Variants in SUPT3H observed in about 807,000 individuals in gnomAD.
The protein encoded by SUPT3H is transcription initiation protein SPT3 homolog.
Under a neutral mutation model 44.3 loss-of-function variants are expected in SUPT3H, and 44 were observed. That is an observed-to-expected ratio of 0.99 (90% CI 0.78 to 1.28). SUPT3H has a LOEUF of 1.28. Among genes scored for constraint, SUPT3H ranks in the 50% most tolerant of loss-of-function variants. The pLI is 0.00. For missense variants in SUPT3H, 380 were observed against 387.1 expected, an observed-to-expected ratio of 0.98 and a Z score of 0.15; for synonymous variants, 124 against 125.6, an observed-to-expected ratio of 0.99 and a Z score of 0.09.
At chr6:44,849,431 T>G (rs540829731) in intron 10 of SUPT3H, among the ~76,000 whole-genome samples, 2 of 151,390 alleles carry the variant, frequency 1.3e-5, no homozygotes, top group African/African-American at 2.4e-5. Context: ...GTTTCACCAT[T>G]TTAGCCGGGA....
chr6:45,100,559 A>AAAAAAAAAAAAAAAAC (rs1798424595), intron 3 of SUPT3H, among the ~76,000 whole-genome samples: 1 of 149,224 alleles, frequency 6.7e-6, no homozygotes, highest in Non-Finnish European at 1.5e-5. Flanking sequence ...AAAAAAAAAA[A>AAAAAAAAAAAAAAAAC]AAAAAGACAC....
chr6:45,173,378 C>T (rs373330683), intron 2 of SUPT3H, among the ~76,000 whole-genome samples: 4 of 152,186 alleles, frequency 2.6e-5, no homozygotes, highest in African/African-American at 9.7e-5. Flanking sequence ...TAACACAGTA[C>T]TGAGTATATA....
intron 2 of SUPT3H, among the ~76,000 whole-genome samples, chr6:45,124,879 C>T (rs190114934): frequency 2.9e-4 from 44 of 151,980 alleles, no homozygotes; most frequent in Admixed American, 2.6e-3. Context: ...AGGCTCTAGA[C>T]GAATAGGACT....
intron 2 of SUPT3H, among the ~76,000 whole-genome samples, chr6:45,128,533 A>AATATATATATATATATATAT (rs1554257895): frequency 3.1e-4 from 16 of 52,244 alleles, no homozygotes; most frequent in South Asian, 8.1e-4. Context: ...AAAAAAAAAA[A>AATATATATATATATATATAT]ATATATATAT....
chr6:45,061,999 A>C (rs1792168127), intron 3 of SUPT3H, among the ~76,000 whole-genome samples: 1 of 151,790 alleles, frequency 6.6e-6, no homozygotes, highest in African/African-American at 2.4e-5. Flanking sequence ...CACACTATTA[A>C]AATTAGTGTT....
intron 3 of SUPT3H, among the ~76,000 whole-genome samples, chr6:45,071,241 T>C (rs1288407193): frequency 6.6e-6 from 1 of 152,010 alleles, no homozygotes; most frequent in Non-Finnish European, 1.5e-5. Flanking sequence ...TTTTTATTAA[T>C]CCCATAGGTC....
chr6:45,119,491 A>T (rs1334157801), intron 2 of SUPT3H, among the ~76,000 whole-genome samples: 1 of 152,158 alleles, frequency 6.6e-6, no homozygotes, highest in East Asian at 1.9e-4. Flanking sequence ...TTCAGTGGGC[A>T]CACAAACTAG....
chr6:44,845,283 C>CA (rs1311625659), intron 10 of SUPT3H, among the ~76,000 whole-genome samples: 38 of 152,280 alleles, frequency 2.5e-4, no homozygotes, highest in African/African-American at 8.4e-4. Context: ...TCCTGGGACT[C>CA]ACAGGAGTAC....
intron 2 of SUPT3H, among the ~76,000 whole-genome samples, chr6:45,354,480 T>A (rs1792721401): frequency 6.6e-6 from 1 of 152,134 alleles, no homozygotes; most frequent in Non-Finnish European, 1.5e-5. Context: ...GATCTTCTTT[T>A]TTGCTCATCT....
chr6:44,901,958 C>T (rs1490875613), intron 10 of SUPT3H, among the ~76,000 whole-genome samples: 1 of 152,108 alleles, frequency 6.6e-6, no homozygotes, highest in African/African-American at 2.4e-5. Flanking sequence ...AAATCCTTTA[C>T]AGACAAGCAA....
intron 2 of SUPT3H, among the ~76,000 whole-genome samples, chr6:45,236,313 G>A (rs186676661): frequency 2.1e-3 from 319 of 152,204 alleles, no homozygotes; most frequent in Non-Finnish European, 3.6e-3. Context: ...AACTAAGCTG[G>A]AGGACACCCG....
At chr6:45,228,730 C>T (rs1473679250) in intron 2 of SUPT3H, among the ~76,000 whole-genome samples, 1 of 152,166 alleles carries the variant, frequency 6.6e-6, no homozygotes, top group East Asian at 1.9e-4. Context: ...CTCACTACAG[C>T]CGCCGCCCCC....
chr6:45,046,850 A>G (rs1053495731), intron 3 of SUPT3H, among the ~76,000 whole-genome samples: 5 of 152,188 alleles, frequency 3.3e-5, no homozygotes, highest in African/African-American at 1.2e-4. Flanking sequence ...TGAGCTTTCT[A>G]ATTCCTGAAA....
chr6:45,152,529 T>C (rs1246114739), intron 2 of SUPT3H, among the ~76,000 whole-genome samples: 3 of 152,182 alleles, frequency 2.0e-5, no homozygotes, highest in African/African-American at 7.2e-5. Context: ...TCTCATTCTC[T>C]TGCCCAGGCT....
intron 3 of SUPT3H, among the ~76,000 whole-genome samples, chr6:45,094,010 G>A (rs1797471235): frequency 6.6e-6 from 1 of 152,036 alleles, no homozygotes; most frequent in African/African-American, 2.4e-5. Flanking sequence ...ATTATCAAAA[G>A]CATAATATAG....
At chr6:44,987,809 C>G (rs1780028412) in intron 6 of SUPT3H, among the ~76,000 whole-genome samples, 2 of 151,958 alleles carry the variant, frequency 1.3e-5, no homozygotes, top group South Asian at 4.2e-4. Context: ...TCTTTTTTCT[C>G]AGTGCAACAA....
intron 10 of SUPT3H, among the ~76,000 whole-genome samples, chr6:44,867,067 A>T (rs199715677): frequency 6.6e-6 from 1 of 152,250 alleles, no homozygotes; most frequent in Non-Finnish European, 1.5e-5. Context: ...TGGATTAAAA[A>T]CAGCCACTAT....
At chr6:45,078,551 T>C (rs1795326257) in intron 3 of SUPT3H, among the ~76,000 whole-genome samples, 1 of 152,202 alleles carries the variant, frequency 6.6e-6, no homozygotes, top group Non-Finnish European at 1.5e-5. Flanking sequence ...CACCTTTTTA[T>C]TTCCTGTTGT....
chr6:45,035,144 A>C (rs574854719), intron 3 of SUPT3H, among the ~76,000 whole-genome samples: 1 of 152,308 alleles, frequency 6.6e-6, no homozygotes, highest in East Asian at 1.9e-4. Context: ...GTGTAGGGTA[A>C]GAATTTTTCA....
Sources: allele counts gnomAD v4.1 joint callset (sites outside exome capture counted in the v4.1 genomes callset), GRCh38; gene constraint gnomAD v4.1.1; transcripts MANE v1.5; gene names NCBI Gene and HGNC (gene_info 2026-07-23, HGNC 2026-07-21).